Variants in SORCS2 observed in about 807,000 individuals in gnomAD.
SORCS2 encodes sortilin related VPS10 domain containing receptor 2.
A neutral mutation model predicts 141.6 loss-of-function variants in SORCS2; 100 were observed. The observed-to-expected ratio is 0.71, with a 90% CI of 0.60 to 0.83. The LOEUF (loss-of-function observed/expected upper bound fraction) is 0.83, where lower values mean the gene tolerates loss of function less well. Ranked by LOEUF, SORCS2 falls within the 40% of genes least tolerant of loss-of-function variation. The probability of loss-of-function intolerance (pLI) is 0.00; values close to 1 mark genes in which losing one functional copy is unlikely to be tolerated. For missense variants in SORCS2, 1,646 were observed against 1,560.2 expected (o/e 1.05, Z -0.93); for synonymous variants, 789 against 676.9 (o/e 1.17, Z -2.57).
rs531951880 is a variant in SORCS2, at chr4:7,574,683, A to G, written c.648+43054A>G. Among the ~76,000 whole-genome samples the G allele has an allele frequency of 2.3e-3, 344 of 152,198 alleles. 1 individual carries two copies. The highest frequency in any genetic ancestry group is 8.0e-3 in the African/African-American group (331 of 41,542). On this transcript the variant is annotated intron_variant, in intron 3 of 26. Transcript: ENST00000507866. The stretch of plus-strand genomic sequence containing the variant: ...GAGATGGCTGAGTATTTACTGAGGA[A>G]TCAGAGTGAAAAATCATAAGGAAGT...
At chr4:7,380,643 C>T (rs1284723832) in intron 1 of SORCS2, among the ~76,000 whole-genome samples, 1 of 152,242 alleles carries the variant, frequency 6.6e-6, no homozygotes, top group Non-Finnish European at 1.5e-5. Flanking sequence ...CCCCCTCGTT[C>T]CTCCTTAATA....
intron 10 of SORCS2, among the ~76,000 whole-genome samples, chr4:7,688,647 G>A (rs1724020707): frequency 6.6e-6 from 1 of 152,184 alleles, no homozygotes; most frequent in African/African-American, 2.4e-5. Context: ...TCCAAGCCCT[G>A]CCCTTTCTGT....
chr4:7,619,257 G>C (rs141243146), intron 3 of SORCS2, among the ~76,000 whole-genome samples: 1 of 152,170 alleles, frequency 6.6e-6, no homozygotes, highest in African/African-American at 2.4e-5. Flanking sequence ...ATGGCCAGGC[G>C]TAAGGGATTC....
intron 1 of SORCS2, among the ~76,000 whole-genome samples, chr4:7,314,984 AC>A (rs1263392603): frequency 6.6e-6 from 1 of 152,100 alleles, no homozygotes; most frequent in Admixed American, 6.5e-5. Flanking sequence ...GGTGCTCGCC[AC>A]CATGCCCAGT....
intron 12 of SORCS2, among the ~76,000 whole-genome samples, chr4:7,698,799 C>T (rs1463317726): frequency 6.6e-6 from 1 of 151,538 alleles, no homozygotes; most frequent in Non-Finnish European, 1.5e-5. Context: ...ACAGGACAGG[C>T]GCCCAAGGGG....
chr4:7,417,079 C>CG (rs1308004476), intron 2 of SORCS2, among the ~76,000 whole-genome samples: 1 of 152,120 alleles, frequency 6.6e-6, no homozygotes, highest in East Asian at 1.9e-4. Context: ...CCCCCCACCC[C>CG]GGGGTGGGAA....
rs375531406 is a variant in SORCS2, at chr4:7,500,437, C to T, written c.549-31093C>T. On this transcript the variant is annotated intron_variant, in intron 2 of 26. Coordinates refer to ENST00000507866, the MANE Select transcript of SORCS2 (RefSeq NM_020777.3). ...GGGCTTCCCTCCTCTGTCCTAATGTCCTGCTTTTCTGTGGGTGCTACCCAC... is the reference window on the plus strand; with the variant it reads ...GGGCTTCCCTCCTCTGTCCTAATGTTCTGCTTTTCTGTGGGTGCTACCCAC... Among the ~76,000 whole-genome samples, 5 of 152,248 alleles carry T rather than the reference C, an allele frequency of 3.3e-5. No individual in the cohort carries two copies. The East Asian group carries it at 5.8e-4, about 18-fold the overall frequency.
intron 1 of SORCS2, among the ~76,000 whole-genome samples, chr4:7,383,516 G>T (rs1459072605): frequency 6.6e-6 from 1 of 152,206 alleles, no homozygotes; most frequent in Non-Finnish European, 1.5e-5. Context: ...CAGCAGGGAG[G>T]GGGAGAGCAT....
chr4:7,718,470 G>C (rs1041547659), intron 18 of SORCS2, among the ~76,000 whole-genome samples: 1 of 152,226 alleles, frequency 6.6e-6, no homozygotes, highest in African/African-American at 2.4e-5. Context: ...CACATCGGGT[G>C]GGGGAGGGTG....
chr4:7,266,852 G>A (rs902140991), intron 1 of SORCS2, among the ~76,000 whole-genome samples: 2 of 152,164 alleles, frequency 1.3e-5, no homozygotes, highest in South Asian at 2.1e-4. Flanking sequence ...TCAGGCTGCC[G>A]GGCTCGAGTC....
chr4:7,226,481 G>A (rs1728998794), intron 1 of SORCS2, among the ~76,000 whole-genome samples: 2 of 152,146 alleles, frequency 1.3e-5, no homozygotes, highest in Non-Finnish European at 2.9e-5. Flanking sequence ...AGACGTCTGT[G>A]ACGGCCGGGT....
At chr4:7,321,867 G>A (rs1277304749) in intron 1 of SORCS2, among the ~76,000 whole-genome samples, 1 of 152,132 alleles carries the variant, frequency 6.6e-6, no homozygotes, top group Admixed American at 6.5e-5. Flanking sequence ...CCCACCCTCT[G>A]GGGCCCTGAG....
chr4:7,212,106 G>A (rs548577157), intron 1 of SORCS2, among the ~76,000 whole-genome samples: 38 of 152,254 alleles, frequency 2.5e-4, no homozygotes, highest in African/African-American at 7.5e-4. Context: ...AGATGGGAGC[G>A]GAGTGTAGGA....
intron 9 of SORCS2, among the ~76,000 whole-genome samples, chr4:7,678,176 C>T (rs929889696): frequency 4.7e-4 from 71 of 152,310 alleles, no homozygotes; most frequent in Middle Eastern, 3.4e-3. Context: ...AGCACAGGGG[C>T]GGTTGGCCAG....
intron 1 of SORCS2, among the ~76,000 whole-genome samples, chr4:7,287,758 G>A (rs1716326916): frequency 6.6e-6 from 1 of 152,194 alleles, no homozygotes; most frequent in Non-Finnish European, 1.5e-5. Context: ...TTGATCCCGT[G>A]CTGTGGGCGG....
chr4:7,221,611 G>A lies in SORCS2; in HGVS notation c.480+28485G>A, dbSNP rs530761032. On this transcript the variant is annotated intron_variant, in intron 1 of 26. Transcript: ENST00000507866. ...GCAAAATCCACCCAGCCCTTAACATGCTTTGGGCCCGTGAGGGCACCGGAG... is the reference window on the plus strand; with the variant it reads ...GCAAAATCCACCCAGCCCTTAACATACTTTGGGCCCGTGAGGGCACCGGAG... 7.2e-5 allele frequency among the ~76,000 whole-genome samples: 11 copies of A among 152,346 alleles called. No individual in the cohort carries two copies. The South Asian group carries it at 2.3e-3, about 32-fold the overall frequency.
intron 2 of SORCS2, among the ~76,000 whole-genome samples, chr4:7,465,561 C>T (rs900567137): frequency 5.3e-5 from 8 of 152,106 alleles, no homozygotes; most frequent in Admixed American, 6.5e-5. Context: ...GTGTGTCCCC[C>T]TCTCCAGGGG....
intron 2 of SORCS2, among the ~76,000 whole-genome samples, chr4:7,521,434 C>T (rs1316177317): frequency 6.6e-6 from 1 of 152,180 alleles, no homozygotes; most frequent in African/African-American, 2.4e-5. Flanking sequence ...TCTGGAGCGC[C>T]TTCTGGAATT....
chr4:7,455,091 G>GT (rs1266273408), intron 2 of SORCS2, among the ~76,000 whole-genome samples: 2 of 97,980 alleles, frequency 2.0e-5, no homozygotes, highest in Admixed American at 1.0e-4. Context: ...GTTGGGGTCA[G>GT]GCACTGTGTT....
Sources: gnomAD v4.1 joint callset for allele counts (sites outside exome capture counted in the v4.1 genomes callset) on GRCh38, gnomAD v4.1.1 for gene constraint, MANE v1.5 for transcripts, NCBI Gene and HGNC (gene_info 2026-07-23, HGNC 2026-07-21) for gene names.